COL22A1: variants seen among roughly 807,000 people sequenced by gnomAD.
COL22A1 encodes the protein collagen type XXII alpha 1 chain, also known as collagen alpha-1(XXII) chain.
A neutral mutation model predicts 248.9 loss-of-function variants in COL22A1; 221 were observed. That is an observed-to-expected ratio of 0.89 (90% CI 0.80 to 0.99). The LOEUF (loss-of-function observed/expected upper bound fraction) is 0.99, where lower values mean the gene tolerates loss of function less well. Among genes scored for constraint, COL22A1 ranks in the 50% least tolerant of loss-of-function variants. The pLI, the probability that COL22A1 is intolerant of heterozygous loss-of-function variation, is 0.00. For synonymous variants in COL22A1, 891 were observed against 793.4 expected, an observed-to-expected ratio of 1.12 and a Z score of -2.07; for missense variants, 2,240 against 2,179.0, an observed-to-expected ratio of 1.03 and a Z score of -0.56.
chr8:138,608,838 C>G lies in COL22A1; in HGVS notation c.3979-849G>C, dbSNP rs148648962. ...TTGGCTGCTGTGTCTTTACCTGGCT[C>G]TCTTTCCCACCACGAGTAACCCAAA... is the stretch of plus-strand genomic sequence containing the variant. On this transcript the variant is annotated intron_variant, in intron 56 of 64. Transcript: ENST00000303045. 1.8e-4 allele frequency among the ~76,000 whole-genome samples: 27 copies of G among 152,344 alleles called. No individual in the cohort carries two copies. The East Asian group carries it at 5.2e-3, about 29-fold the overall frequency.
At chr8:138,604,885 G>A (rs1818305445) in intron 58 of COL22A1, 116 bp from the exon 59 acceptor site, 2 of 956,222 alleles carry the variant, frequency 2.1e-6, no homozygotes, top group Non-Finnish European at 3.3e-6. Context: ...GACAACAATC[G>A]ATGGTCTACC....
intron 28 of COL22A1, 92 bp from the exon 29 acceptor site, chr8:138,716,381 G>T: frequency 1.2e-6 from 1 of 835,126 alleles, no homozygotes; most frequent in Non-Finnish European, 1.9e-6. Flanking sequence ...TGCTCTCCAG[G>T]AACTGGAGAT....
intron 3 of COL22A1, among the ~76,000 whole-genome samples, chr8:138,858,369 G>GTT (rs1220833474): frequency 1.3e-5 from 2 of 151,926 alleles, no homozygotes; most frequent in African/African-American, 4.8e-5. Flanking sequence ...TCTTTGTTTT[G>GTT]TTTTGTTTTG....
intron 3 of COL22A1, among the ~76,000 whole-genome samples, chr8:138,863,463 A>G (rs1204839027): frequency 6.6e-6 from 1 of 151,746 alleles, no homozygotes; most frequent in Non-Finnish European, 1.5e-5. Flanking sequence ...TCCCAGCCCC[A>G]CCTCTGCTCA....
rs779378111 is a variant in COL22A1 at position 138,649,673 on chromosome 8, C to T, written c.3439G>A (p.Gly1147Arg). ...TCCCCTTTTCTCCTTACCTTTTTCC[C>T]TTCTGTGCCTTCTCTCCCTGGCTTT... ...PGKPGREGTE[G>R]KKGEAGPPGL... is the part of the protein sequence containing the mutation. The change falls in exon 46 of 65, where the codon GGG (glycine) becomes AGG (arginine). Residue 1147 changes from glycine (G) to arginine (R), a missense_variant. Physicochemically the swap from Gly to Arg is moderately radical, Grantham distance 125. Coordinates refer to ENST00000303045, the MANE Select transcript of COL22A1 (RefSeq NM_152888.3). 17 of 1,612,520 alleles carry T rather than the reference C, an allele frequency of 1.1e-5. 1 individual carries two copies. Among genetic ancestry groups the T allele is most frequent in the Admixed American group, 3.3e-5 (2 of 59,784 alleles).
chr8:138,740,111 A>G (rs1831432135), intron 22 of COL22A1, among the ~76,000 whole-genome samples: 1 of 152,172 alleles, frequency 6.6e-6, no homozygotes, highest in African/African-American at 2.4e-5. Flanking sequence ...TCCATTTTCT[A>G]TCTAGACAGA....
chr8:138,867,977 A>C (rs1017933367), intron 3 of COL22A1, among the ~76,000 whole-genome samples: 12 of 152,032 alleles, frequency 7.9e-5, no homozygotes, highest in East Asian at 3.9e-4. Context: ...GTTGGTCAGG[A>C]TGGTCTTGAT....
chr8:138,700,008 G>A, intron 32 of COL22A1, 104 bp downstream of exon 32: 1 of 1,051,860 alleles, frequency 9.5e-7, no homozygotes. Context: ...TGAACGCGAT[G>A]GGGCTGAGTC....
intron 7 of COL22A1, 66 bp downstream of exon 7, chr8:138,821,070 C>G: frequency 6.4e-7 from 1 of 1,559,244 alleles, no homozygotes. Context: ...ACTGAGGGCA[C>G]TTAGCTCCCA....
At chr8:138,597,681 G>A (rs76115320) in intron 61 of COL22A1, among the ~76,000 whole-genome samples, 1,873 of 152,290 alleles carry the variant, frequency 0.012, 35 homozygotes, top group African/African-American at 0.043. Context: ...GGGGTCTTAC[G>A]GTGCTCATCT....
chr8:138,596,066 A>T (rs549718587), intron 62 of COL22A1, among the ~76,000 whole-genome samples: 1 of 152,288 alleles, frequency 6.6e-6, no homozygotes. Context: ...CAATTCTTAC[A>T]ATAATTACAT....
intron 3 of COL22A1, among the ~76,000 whole-genome samples, chr8:138,865,175 AAC>A (rs1348321776): frequency 3.3e-5 from 5 of 152,224 alleles, no homozygotes; most frequent in Non-Finnish European, 7.3e-5. Context: ...ACAGAGTTTT[AAC>A]AGAGTTTTTT....
intron 12 of COL22A1, among the ~76,000 whole-genome samples, chr8:138,792,494 T>A (rs1314309661): frequency 6.6e-6 from 1 of 152,174 alleles, no homozygotes; most frequent in Non-Finnish European, 1.5e-5. Flanking sequence ...GCTATGGGAA[T>A]TTCAAGGCTC....
At chr8:138,650,932 C>T (rs968099313) in intron 45 of COL22A1, among the ~76,000 whole-genome samples, 19 of 152,144 alleles carry the variant, frequency 1.2e-4, no homozygotes, top group Non-Finnish European at 2.9e-5. Context: ...CAAATACATG[C>T]ACTAACTATG....
At position 138,676,615 on chromosome 8, in the gene COL22A1, C is replaced by A; in HGVS notation, c.3093G>T (p.Gly1031=). 1 of 1,566,612 alleles carries A rather than the reference C, an allele frequency of 6.4e-7. No homozygotes were observed. Among genetic ancestry groups the A allele is most frequent in the East Asian group, 2.3e-5 (1 of 42,920 alleles). ...QCVKGDRGAP[G]IPGSPGSRGD... Reference sequence around the variant, plus strand: ...CACGGCTGCCAGGAGAACCAGGGATCCCAGGAGCTCCTCGATCCCCCTAGA... The same window carrying A: ...CACGGCTGCCAGGAGAACCAGGGATACCAGGAGCTCCTCGATCCCCCTAGA... Residue 1031 remains glycine, a synonymous_variant, in exon 41 of 65, where the codon GGG becomes GGT. Transcript: ENST00000303045.
rs556017149 is a variant in COL22A1 at position 138,688,511 on chromosome 8, A to T, written c.2862+406T>A. 3.3e-5 allele frequency among the ~76,000 whole-genome samples: 5 copies of T among 151,294 alleles called. No homozygotes were observed. The South Asian group carries it at 8.4e-4, about 25-fold the overall frequency. On this transcript the variant is annotated intron_variant, in intron 37 of 64. Coordinates refer to ENST00000303045, the MANE Select transcript of COL22A1 (RefSeq NM_152888.3). ...ACTCCAGCCTCAGTGGCAGAGTGAG[A>T]CCCTGTCTCAAGAAAAAAAAAAAAT...
intron 44 of COL22A1, among the ~76,000 whole-genome samples, chr8:138,657,924 C>A (rs1047370004): frequency 2.0e-5 from 3 of 152,090 alleles, no homozygotes; most frequent in African/African-American, 7.3e-5. Context: ...TGGGATCAGG[C>A]AGGGAATAGA....
chr8:138,818,158 A>G (rs962876891), intron 7 of COL22A1, among the ~76,000 whole-genome samples: 1 of 152,158 alleles, frequency 6.6e-6, no homozygotes, highest in African/African-American at 2.4e-5. Flanking sequence ...CCTTGTCTGT[A>G]GAGTAAATGA....
intron 4 of COL22A1, among the ~76,000 whole-genome samples, chr8:138,835,363 C>T (rs1228342461): frequency 6.6e-6 from 1 of 152,228 alleles, no homozygotes; most frequent in Admixed American, 6.5e-5. Context: ...CCCCTCCAAA[C>T]CGTGCTTGTT....
Sources: allele counts gnomAD v4.1 joint callset (sites outside exome capture counted in the v4.1 genomes callset), GRCh38; gene constraint gnomAD v4.1.1; transcripts MANE v1.5; gene names NCBI Gene and HGNC (gene_info 2026-07-23, HGNC 2026-07-21).